The following ZNF565 variants were observed in gnomAD, a reference collection of about 807,000 sequenced individuals.
ZNF565 encodes the protein zinc finger protein 565.
Under a neutral mutation model 39.4 loss-of-function variants are expected in ZNF565, and 27 were observed. The ratio of observed to expected loss-of-function variants is 0.69; its 90% CI spans 0.51 to 0.95. The LOEUF (loss-of-function observed/expected upper bound fraction) is 0.95, where lower values mean the gene tolerates loss of function less well. Ranked by LOEUF, ZNF565 falls within the 40% of genes least tolerant of loss-of-function variation. The pLI is 0.00. For missense variants in ZNF565, 524 were observed against 621.1 expected (o/e 0.84, Z 1.66); for synonymous variants, 185 against 216.6 (o/e 0.85, Z 1.28).
intron 4 of ZNF565, among the ~76,000 whole-genome samples, chr19:36,191,296 T>A (rs1338792377): frequency 2.6e-5 from 4 of 150,992 alleles, no homozygotes; most frequent in African/African-American, 9.7e-5. Flanking sequence ...TATGATCGAT[T>A]TCCTACCATT....
At chr19:36,207,642 T>C (rs1479315948) in intron 1 of ZNF565, among the ~76,000 whole-genome samples, 1 of 152,044 alleles carries the variant, frequency 6.6e-6, no homozygotes, top group Non-Finnish European at 1.5e-5. Flanking sequence ...TGGAAGACAT[T>C]ACTATGTTTC....
intron 1 of ZNF565, among the ~76,000 whole-genome samples, chr19:36,232,209 AAAAC>A (rs1171720839): frequency 6.6e-6 from 1 of 152,004 alleles, no homozygotes; most frequent in Non-Finnish European, 1.5e-5. Context: ...AAAAAAAAAA[AAAAC>A]ATACAAATTA....
chr19:36,241,827 A>C (rs1977806681), intron 1 of ZNF565, among the ~76,000 whole-genome samples: 1 of 151,254 alleles, frequency 6.6e-6, no homozygotes, highest in African/African-American at 2.4e-5. Flanking sequence ...AGGTACAAAG[A>C]TGAATTTGGA....
chr19:36,221,656 A>G (rs982650629), intron 1 of ZNF565, among the ~76,000 whole-genome samples: 5 of 152,190 alleles, frequency 3.3e-5, no homozygotes, highest in African/African-American at 4.8e-5. Context: ...GTGATTCAAC[A>G]AAGATCTATC....
At position 36,229,469 on chromosome 19, in the gene ZNF565, C is replaced by T. The variant is rs6510530; in HGVS notation, c.55+16007G>A. Among the ~76,000 whole-genome samples, 507 of 152,194 alleles carry T rather than the reference C, an allele frequency of 3.3e-3. 2 individuals are homozygous for T. The highest frequency in any genetic ancestry group is 0.012 in the African/African-American group (478 of 41,500). On this transcript the variant is annotated intron_variant, in intron 1 of 4. Transcript: ENST00000355114. ...AAGTGGTCCTCCTGCCTCAGACTCCCGAAAAAATCTCCTCTTAACTCTTGA... is the reference window on the plus strand; with the variant it reads ...AAGTGGTCCTCCTGCCTCAGACTCCTGAAAAAATCTCCTCTTAACTCTTGA...
At chr19:36,222,439 TA>T (rs1976887192) in intron 1 of ZNF565, among the ~76,000 whole-genome samples, 1 of 152,188 alleles carries the variant, frequency 6.6e-6, no homozygotes, top group African/African-American at 2.4e-5. Flanking sequence ...AGCTCTAAAC[TA>T]GACTGCTATT....
intron 4 of ZNF565, among the ~76,000 whole-genome samples, chr19:36,185,646 T>A (rs1054491110): frequency 1.3e-5 from 2 of 151,690 alleles, no homozygotes; most frequent in African/African-American, 4.8e-5. Flanking sequence ...CTTCCATCTA[T>A]CAAGAATCCT....
At chr19:36,207,774 G>A (rs1182109846) in intron 1 of ZNF565, among the ~76,000 whole-genome samples, 1 of 152,174 alleles carries the variant, frequency 6.6e-6, no homozygotes, top group East Asian at 1.9e-4. Context: ...ACTTCAGTTA[G>A]AGACAGACAC....
intron 2 of ZNF565, among the ~76,000 whole-genome samples, chr19:36,201,329 A>G (rs1599932991): frequency 6.6e-6 from 1 of 152,120 alleles, no homozygotes; most frequent in Non-Finnish European, 1.5e-5. Flanking sequence ...AAAAACACAG[A>G]AGAAAGAAAC....
intron 1 of ZNF565, among the ~76,000 whole-genome samples, chr19:36,233,371 C>A (rs370913389): frequency 6.6e-6 from 1 of 152,110 alleles, no homozygotes; most frequent in East Asian, 1.9e-4. Context: ...GTGGGTTTCC[C>A]CTCCACAGCT....
intron 1 of ZNF565, among the ~76,000 whole-genome samples, chr19:36,242,822 T>G (rs1211662204): frequency 6.6e-6 from 1 of 152,242 alleles, no homozygotes; most frequent in Non-Finnish European, 1.5e-5. Flanking sequence ...TGAAAAGATG[T>G]TCATAAATCA....
intron 2 of ZNF565, 106 bp from the exon 3 acceptor site, chr19:36,195,262 C>G (rs1975715371): frequency 2.2e-6 from 3 of 1,348,304 alleles, no homozygotes; most frequent in Non-Finnish European, 3.1e-6. Context: ...ACAGTAATGG[C>G]CCCCCGATAT....
Position 36,182,281 on chromosome 19 carries a change from T to C in ZNF565, c.*185A>G, listed in dbSNP as rs1007530375. The C allele has an allele frequency of 3.9e-5, 18 of 465,928 alleles. No individual in the cohort carries two copies. Among genetic ancestry groups the C allele is most frequent in the Non-Finnish European group, 5.9e-5 (16 of 272,610 alleles). 28.9% of individuals were successfully genotyped at this position (465,928 alleles called of 1,614,324 possible). A position where few individuals can be genotyped will look rare whatever the true frequency, so the allele number is the denominator to read the frequency against. ...AGATTATCTGATGCTTAGGAAACAG[T>C]GAGTGAGGCAAAAAGAATTCCCACA... On this transcript the variant is annotated 3_prime_UTR_variant, in exon 5 of 5. Coordinates refer to ENST00000304116, the MANE Select transcript of ZNF565 (RefSeq NM_152477.5).
intron 2 of ZNF565, among the ~76,000 whole-genome samples, chr19:36,196,989 G>A (rs761903700): frequency 3.4e-5 from 5 of 148,944 alleles, no homozygotes; most frequent in Non-Finnish European, 7.5e-5. Context: ...CTGGGAGGCA[G>A]AGGTTGCAGT....
At chr19:36,199,918 C>T (rs899229466) in intron 2 of ZNF565, among the ~76,000 whole-genome samples, 6 of 151,696 alleles carry the variant, frequency 4.0e-5, no homozygotes, top group African/African-American at 1.4e-4. Flanking sequence ...ACCTCAGCCT[C>T]CCAAAGTGCT....
At chr19:36,207,032 G>C (rs561739200) in intron 1 of ZNF565, among the ~76,000 whole-genome samples, 56 of 152,258 alleles carry the variant, frequency 3.7e-4, no homozygotes, top group Non-Finnish European at 6.3e-4. Context: ...AGCGGCAATT[G>C]CAAGGGTCTG....
chr19:36,242,116 A>C (rs1371671687), intron 1 of ZNF565, among the ~76,000 whole-genome samples: 2 of 152,178 alleles, frequency 1.3e-5, no homozygotes, highest in Non-Finnish European at 2.9e-5. Flanking sequence ...AAATATTTAG[A>C]AATCATCTAT....
At chr19:36,241,481 T>C (rs1485757799) in intron 1 of ZNF565, among the ~76,000 whole-genome samples, 1 of 99,870 alleles carries the variant, frequency 1.0e-5, no homozygotes, top group Admixed American at 1.2e-4. Context: ...CAAGACTCTG[T>C]ATTAAAAAAA....
chr19:36,237,149 G>C, intron 1 of ZNF565: 1 of 1,614,162 alleles, frequency 6.2e-7, no homozygotes, highest in Non-Finnish European at 8.5e-7. Context: ...CCATACAGGG[G>C]AGAAGCCCTA....
Sources: gnomAD v4.1 joint callset for allele counts (sites outside exome capture counted in the v4.1 genomes callset) on GRCh38, gnomAD v4.1.1 for gene constraint, MANE v1.5 for transcripts, NCBI Gene and HGNC (gene_info 2026-07-23, HGNC 2026-07-21) for gene names.